Variants in SIPA1L2 observed in about 807,000 individuals in gnomAD.
SIPA1L2 encodes signal induced proliferation associated 1 like 2.
A neutral mutation model predicts 163.9 loss-of-function variants in SIPA1L2; 56 were observed. The observed-to-expected ratio is 0.34, with a 90% CI of 0.28 to 0.43. SIPA1L2 has a LOEUF of 0.43. Among genes scored for constraint, SIPA1L2 ranks in the 20% least tolerant of loss-of-function variants. SIPA1L2 has a pLI of 1.00. For missense variants in SIPA1L2, 1,974 were observed against 2,193.5 expected (o/e 0.90, Z 2.00); for synonymous variants, 877 against 865.7 (o/e 1.01, Z -0.23).
chr1:232,494,021 A>G (rs1029473052), intron 3 of SIPA1L2, among the ~76,000 whole-genome samples: 1 of 152,216 alleles, frequency 6.6e-6, no homozygotes, highest in Non-Finnish European at 1.5e-5. Flanking sequence ...TATTGAAAAC[A>G]GTTTCCCTCC....
intron 5 of SIPA1L2, among the ~76,000 whole-genome samples, chr1:232,489,353 C>T (rs1192164604): frequency 6.6e-6 from 1 of 152,212 alleles, no homozygotes; most frequent in Non-Finnish European, 1.5e-5. Context: ...TTTTCATCAA[C>T]TGTTTCATGA....
intron 6 of SIPA1L2, among the ~76,000 whole-genome samples, chr1:232,481,498 T>C (rs1194613803): frequency 1.3e-5 from 2 of 152,174 alleles, no homozygotes; most frequent in Non-Finnish European, 1.5e-5. Context: ...TAAAATGTGA[T>C]AATAATATGT....
At chr1:232,596,520 A>G (rs568122461) in intron 1 of SIPA1L2, among the ~76,000 whole-genome samples, 6 of 152,360 alleles carry the variant, frequency 3.9e-5, no homozygotes, top group Admixed American at 6.5e-5. Flanking sequence ...TCATGCTATT[A>G]TAAGACATTT....
intron 9 of SIPA1L2, among the ~76,000 whole-genome samples, chr1:232,462,760 G>A (rs142558982): frequency 1.3e-5 from 2 of 152,276 alleles, no homozygotes; most frequent in East Asian, 1.9e-4. Flanking sequence ...ATATCAATGC[G>A]ATTATCAGGT....
intron 1 of SIPA1L2, among the ~76,000 whole-genome samples, chr1:232,629,634 G>A (rs1360314766): frequency 1.3e-5 from 2 of 152,142 alleles, no homozygotes; most frequent in East Asian, 3.9e-4. Flanking sequence ...GGAGAGAACA[G>A]GCGGCGGCGG....
rs2102821198 is a variant in SIPA1L2 at position 232,428,484 on chromosome 1, T to C, written c.4337A>G (p.His1446Arg). 6.2e-7 allele frequency: 1 copy of C among 1,601,986 alleles called. No homozygotes were observed. Among genetic ancestry groups the C allele is most frequent in the African/African-American group, 1.3e-5 (1 of 74,210 alleles). ...VVGDAVAETQ[H>R]VLSKEDFLKL... ...CAGAAAATCTTCTTTAGACAGAACA[T>C]GTTGAGTCTCTGCAACAGCATCTCC... The change falls in exon 17 of 23, where the codon CAT (histidine) becomes CGT (arginine). Residue 1446 changes from histidine (H) to arginine (R), a missense_variant. His to Arg is a conservative substitution (Grantham distance 29, BLOSUM62 0). Coordinates refer to ENST00000674635, the MANE Select transcript of SIPA1L2 (RefSeq NM_020808.5).
chr1:232,452,434 G>A (rs535617061), intron 10 of SIPA1L2, among the ~76,000 whole-genome samples: 4 of 151,754 alleles, frequency 2.6e-5, no homozygotes, highest in South Asian at 2.1e-4. Flanking sequence ...CAGACACCAC[G>A]GTCACTGCCA....
At chr1:232,437,703 C>T (rs1662649858) in intron 15 of SIPA1L2, among the ~76,000 whole-genome samples, 2 of 152,096 alleles carry the variant, frequency 1.3e-5, no homozygotes, top group Non-Finnish European at 2.9e-5. Context: ...CCCCTAACCA[C>T]GTGATTAGAG....
At position 232,515,541 on chromosome 1, in the gene SIPA1L2, T is replaced by A. The variant is rs2103048011; in HGVS notation, c.-202A>T. On this transcript the variant is annotated 5_prime_UTR_variant, in exon 3 of 23. Transcript: ENST00000674635. ...TTGCTTCTCTGTTGTCGTAATAATG[T>A]TGTACGCCTCTGTTCTTTTCAAAAG... 1.8e-6 allele frequency: 1 copy of A among 555,964 alleles called. No individual in the cohort carries two copies. The highest frequency in any genetic ancestry group is 2.9e-5 in the East Asian group (1 of 33,902). 34.4% of individuals were successfully genotyped at this position (555,964 alleles called of 1,614,324 possible).
At chr1:232,584,534 T>C (rs1323883381) in intron 1 of SIPA1L2, among the ~76,000 whole-genome samples, 1 of 152,224 alleles carries the variant, frequency 6.6e-6, no homozygotes, top group Non-Finnish European at 1.5e-5. Context: ...AGCATAAAAA[T>C]GGACAGTTTA....
intron 2 of SIPA1L2, among the ~76,000 whole-genome samples, chr1:232,538,434 G>C (rs148099303): frequency 2.0e-5 from 3 of 152,102 alleles, no homozygotes; most frequent in African/African-American, 7.2e-5. Flanking sequence ...TGGTGCCTCC[G>C]CAATATCTGA....
At chr1:232,445,996 G>A (rs1179561106) in intron 10 of SIPA1L2, among the ~76,000 whole-genome samples, 4 of 152,192 alleles carry the variant, frequency 2.6e-5, no homozygotes. Context: ...TGCCAGCAAT[G>A]ACTGCGTCTA....
At chr1:232,554,626 T>C (rs1658594493) in intron 2 of SIPA1L2, among the ~76,000 whole-genome samples, 1 of 152,212 alleles carries the variant, frequency 6.6e-6, no homozygotes, top group African/African-American at 2.4e-5. Flanking sequence ...GAGAGCAATA[T>C]TTATGTTATG....
At chr1:232,501,073 T>TTTTTTTTG (rs71173222) in intron 3 of SIPA1L2, among the ~76,000 whole-genome samples, 2 of 136,002 alleles carry the variant, frequency 1.5e-5, no homozygotes, top group African/African-American at 2.9e-5. Flanking sequence ...TTTTTTTTTT[T>TTTTTTTTG]GTGAGACAGA....
intron 2 of SIPA1L2, among the ~76,000 whole-genome samples, chr1:232,552,687 T>C (rs865942547): frequency 1.4e-4 from 21 of 152,142 alleles, no homozygotes; most frequent in Admixed American, 5.2e-4. Flanking sequence ...ATCTGTTGAA[T>C]CAAAGAATGC....
chr1:232,449,331 A>AAG (rs1663412459), intron 10 of SIPA1L2, among the ~76,000 whole-genome samples: 2 of 151,890 alleles, frequency 1.3e-5, no homozygotes, highest in Non-Finnish European at 2.9e-5. Context: ...ATCCTGGCTA[A>AAG]CATGGTGAAA....
At chr1:232,608,047 C>CAAAAAAAAAAAAAAAAA (rs56208215) in intron 1 of SIPA1L2, among the ~76,000 whole-genome samples, 26 of 67,494 alleles carry the variant, frequency 3.9e-4, no homozygotes, top group African/African-American at 6.1e-4. Flanking sequence ...AACTCCATCT[C>CAAAAAAAAAAAAAAAAA]AAAAAAAAAA....
At chr1:232,496,447 G>A (rs1195678778) in intron 3 of SIPA1L2, among the ~76,000 whole-genome samples, 1 of 151,726 alleles carries the variant, frequency 6.6e-6, no homozygotes, top group Non-Finnish European at 1.5e-5. Flanking sequence ...ATGCATGGCT[G>A]TATTGTGTAC....
intron 3 of SIPA1L2, among the ~76,000 whole-genome samples, chr1:232,498,946 T>A (rs1666333169): frequency 6.6e-6 from 1 of 152,220 alleles, no homozygotes; most frequent in South Asian, 2.1e-4. Flanking sequence ...TAATCCACTT[T>A]AATTCACTTA....
Sources: gnomAD v4.1 joint callset for allele counts (sites outside exome capture counted in the v4.1 genomes callset) on GRCh38, gnomAD v4.1.1 for gene constraint, MANE v1.5 for transcripts, NCBI Gene and HGNC (gene_info 2026-07-23, HGNC 2026-07-21) for gene names.